CEMIP: variants seen among roughly 807,000 people sequenced by gnomAD.
CEMIP encodes cell migration inducing hyaluronidase 1.
In CEMIP, 105 loss-of-function variants were observed where a neutral mutation model predicts 156.9. The ratio of observed to expected loss-of-function variants is 0.67; its 90% CI spans 0.57 to 0.79. CEMIP has a LOEUF of 0.79. Ranked by LOEUF, CEMIP falls within the 30% of genes least tolerant of loss-of-function variation. CEMIP has a pLI of 0.00. For synonymous variants in CEMIP, 676 were observed against 668.4 expected (o/e 1.01, Z -0.17); for missense variants, 1,457 against 1,769.4 (o/e 0.82, Z 3.17).
At chr15:80,863,786 T>G (rs1898045658) in intron 1 of CEMIP, among the ~76,000 whole-genome samples, 2 of 152,178 alleles carry the variant, frequency 1.3e-5, no homozygotes, top group African/African-American at 4.8e-5. Context: ...GTGCTGCATT[T>G]CCATCACCCC....
intron 6 of CEMIP, 52 bp from the exon 7 acceptor site, chr15:80,884,123 T>C (rs906566910): frequency 6.6e-5 from 105 of 1,581,876 alleles, no homozygotes; most frequent in Non-Finnish European, 8.9e-5. Context: ...TAGAGCTCTT[T>C]GTTTTGGCTG....
chr15:80,785,758 C>A (rs1187490826), intron 1 of CEMIP, among the ~76,000 whole-genome samples: 1 of 152,180 alleles, frequency 6.6e-6, no homozygotes, highest in Non-Finnish European at 1.5e-5. Context: ...AAGGCCTAAA[C>A]CCCTTACTTC....
intron 1 of CEMIP, among the ~76,000 whole-genome samples, chr15:80,866,106 T>C (rs1006614081): frequency 2.4e-4 from 36 of 151,994 alleles, no homozygotes; most frequent in Admixed American, 1.4e-3. Flanking sequence ...ATTGGTGGGG[T>C]GAGGAGGGAT....
intron 2 of CEMIP, 65 bp from the exon 3 acceptor site, chr15:80,873,799 C>A (rs577026400): frequency 5.2e-6 from 6 of 1,144,270 alleles, no homozygotes; most frequent in African/African-American, 4.6e-5. Context: ...ATCTCCATGT[C>A]GGCCCTGTAT....
intron 12 of CEMIP, among the ~76,000 whole-genome samples, chr15:80,903,883 A>G (rs1259721456): frequency 6.6e-6 from 1 of 152,220 alleles, no homozygotes; most frequent in East Asian, 1.9e-4. Flanking sequence ...CACGGATGGA[A>G]GGAAAGGTTT....
At chr15:80,829,507 C>A (rs559208954) in intron 1 of CEMIP, among the ~76,000 whole-genome samples, 2 of 152,220 alleles carry the variant, frequency 1.3e-5, no homozygotes, top group African/African-American at 2.4e-5. Context: ...TCTGGACCGC[C>A]CTGCCATGTT....
At chr15:80,829,201 C>T (rs2141673510) in intron 1 of CEMIP, among the ~76,000 whole-genome samples, 1 of 152,340 alleles carries the variant, frequency 6.6e-6, no homozygotes, top group South Asian at 2.1e-4. Context: ...TGTCACCGCC[C>T]ACATCCCTGG....
rs771186680 is a variant in CEMIP, at chr15:80,922,057, G to A, written c.2122G>A (p.Val708Met). 104 of 1,614,078 alleles carry A rather than the reference G, an allele frequency of 6.4e-5. No homozygotes were observed. Among genetic ancestry groups the A allele is most frequent in the South Asian group, 2.3e-4 (21 of 91,090 alleles). Residue 708 changes from valine to methionine, a missense_variant, in exon 17 of 30, where the codon GTG becomes ATG. Transcript: ENST00000394685. ...IFHHVPTGPS[V>M]GMYSPGYSEH... ...TCACCACGTACCAACGGGCCCCTCC[G>A]TGGGAATGTACTCCCCAGGTTATTC...
At chr15:80,842,937 C>A (rs1280899734) in intron 1 of CEMIP, among the ~76,000 whole-genome samples, 1 of 152,190 alleles carries the variant, frequency 6.6e-6, no homozygotes, top group Non-Finnish European at 1.5e-5. Context: ...CCAAGAGGAA[C>A]TCCTCATTTC....
intron 5 of CEMIP, among the ~76,000 whole-genome samples, chr15:80,880,189 G>A (rs1173151913): frequency 6.6e-6 from 1 of 152,192 alleles, no homozygotes; most frequent in Non-Finnish European, 1.5e-5. Context: ...ATTCCATGTG[G>A]TACTTGCCCC....
rs759304886 is a variant in CEMIP, at chr15:80,920,278, C to T, written c.1982C>T (p.Pro661Leu). The change falls in exon 15 of 30, where the codon CCC becomes CTC. Residue 661 changes from proline to leucine, a missense_variant. Coordinates refer to ENST00000394685, the MANE Select transcript of CEMIP (RefSeq NM_001293298.2). ...ITEDSYPGYI[P>L]KPRQDCNAVS... ...GAGGACTCCTACCCGGGGTACATCC[C>T]CAAGCCCAGGCAAGACTGCAAGTAA... 9.3e-6 allele frequency: 15 copies of T among 1,614,140 alleles called. No individual in the cohort carries two copies. The highest frequency in any genetic ancestry group is 1.2e-5 in the Non-Finnish European group (14 of 1,179,980).
At chr15:80,895,209 A>C in intron 11 of CEMIP, 87 bp downstream of exon 11, 18 of 1,556,766 alleles carry the variant, frequency 1.2e-5, no homozygotes, top group Non-Finnish European at 1.4e-5. Flanking sequence ...CAGACCTCTC[A>C]GTGAGACAGT....
chr15:80,939,429 C>T (rs911270215), intron 25 of CEMIP, among the ~76,000 whole-genome samples: 4 of 152,174 alleles, frequency 2.6e-5, no homozygotes, highest in Admixed American at 6.5e-5. Flanking sequence ...GAGATATGCC[C>T]CACATACCAC....
chr15:80,813,480 G>A (rs1038795646), intron 1 of CEMIP, among the ~76,000 whole-genome samples: 1 of 151,532 alleles, frequency 6.6e-6, no homozygotes, highest in Non-Finnish European at 1.5e-5. Context: ...CTCCCAAGTA[G>A]CTGGGATTAC....
chr15:80,832,322 C>CTCTCTGTGTGTGTGTGTGTGTGTG, intron 1 of CEMIP, among the ~76,000 whole-genome samples: 1 of 127,996 alleles, frequency 7.8e-6, no homozygotes, highest in Non-Finnish European at 1.6e-5. Context: ...AAAATAAACT[C>CTCTCTGTGTGTGTGTGTGTGTGTG]TGTGTGTGTG....
At chr15:80,907,319 T>C (rs929841176) in intron 13 of CEMIP, among the ~76,000 whole-genome samples, 1 of 152,192 alleles carries the variant, frequency 6.6e-6, no homozygotes, top group Non-Finnish European at 1.5e-5. Context: ...TCCCAACACT[T>C]TGGGGAGCCA....
In CEMIP at chr15:80,878,758, A is replaced by G. The variant is rs1271385454; in HGVS notation, c.132A>G (p.Gln44=). 1.9e-6 allele frequency: 3 copies of G among 1,613,942 alleles called. No homozygotes were observed. The highest frequency in any genetic ancestry group is 1.3e-5 in the African/African-American group (1 of 74,876). ...AGCPDQSPEL[Q]PWNPGHDQDH... ...GCCCTGACCAGAGCCCTGAGTTGCA[A>G]CCCTGGAACCCTGGCCATGACCAAG... The change falls in exon 4 of 30, where the codon CAA becomes CAG. Residue 44 remains glutamine, a synonymous_variant. Transcript: ENST00000394685.
At chr15:80,813,144 C>G (rs56131337) in intron 1 of CEMIP, among the ~76,000 whole-genome samples, 36,457 of 152,032 alleles carry the variant, frequency 0.24, 4,800 homozygotes, top group East Asian at 0.32. Context: ...TCCCACTTGA[C>G]CCAATGCTTC....
chr15:80,949,041 T>A lies in CEMIP; in HGVS notation c.*117T>A. 7.2e-7 allele frequency: 1 copy of A among 1,394,230 alleles called. No individual in the cohort carries two copies. The allele number at this position is 1,394,230 out of a possible 1,614,324, so 86.4% of individuals were successfully genotyped here. A position where few individuals can be genotyped will look rare whatever the true frequency, so the allele number is the denominator to read the frequency against. Reference sequence around the variant, plus strand: ...TGCCAGCAGCTGCCTGGGAAGGCCGTGTTTCAGCCCTGATGGGCCAAGGGA... The same window carrying A: ...TGCCAGCAGCTGCCTGGGAAGGCCGAGTTTCAGCCCTGATGGGCCAAGGGA... On this transcript the variant is annotated 3_prime_UTR_variant, in exon 30 of 30. Coordinates refer to ENST00000394685, the MANE Select transcript of CEMIP (RefSeq NM_001293298.2).
Sources: gnomAD v4.1 joint callset for allele counts (sites outside exome capture counted in the v4.1 genomes callset) on GRCh38, gnomAD v4.1.1 for gene constraint, MANE v1.5 for transcripts, NCBI Gene and HGNC (gene_info 2026-07-23, HGNC 2026-07-21) for gene names.